Variants in FAF1 observed in about 807,000 individuals in gnomAD.
FAF1 encodes FAS-associated factor 1.
A neutral mutation model predicts 92.5 loss-of-function variants in FAF1; 25 were observed. The ratio of observed to expected loss-of-function variants is 0.27; its 90% confidence interval spans 0.20 to 0.38. The LOEUF (loss-of-function observed/expected upper bound fraction) is 0.38, where lower values mean the gene tolerates loss of function less well. Among genes scored for constraint, FAF1 ranks in the 10% least tolerant of loss-of-function variants. FAF1 has a pLI of 1.00. For missense variants in FAF1, 636 were observed against 793.3 expected, an observed-to-expected ratio of 0.80 and a Z score of 2.38; for synonymous variants, 234 against 273.2, an observed-to-expected ratio of 0.86 and a Z score of 1.42.
intron 15 of FAF1, among the ~76,000 whole-genome samples, chr1:50,502,867 T>G (rs1269599997): frequency 6.6e-6 from 1 of 152,200 alleles, no homozygotes; most frequent in Non-Finnish European, 1.5e-5. Flanking sequence ...TCACTCAGGC[T>G]GCAGTGCAGT....
intron 2 of FAF1, among the ~76,000 whole-genome samples, chr1:50,842,338 A>C (rs568478014): frequency 6.6e-6 from 1 of 152,250 alleles, no homozygotes; most frequent in African/African-American, 2.4e-5. Context: ...TCCTTGAAAC[A>C]ATAATTAGCT....
At chr1:50,885,920 GA>G (rs1644658499) in intron 1 of FAF1, among the ~76,000 whole-genome samples, 1 of 151,936 alleles carries the variant, frequency 6.6e-6, no homozygotes, top group Non-Finnish European at 1.5e-5. Flanking sequence ...ATCTTAAGCG[GA>G]TAACAACTTG....
At chr1:50,650,485 T>G (rs1283981160) in intron 8 of FAF1, among the ~76,000 whole-genome samples, 1 of 151,824 alleles carries the variant, frequency 6.6e-6, no homozygotes, top group Non-Finnish European at 1.5e-5. Context: ...CTGGGCATGG[T>G]GGTATACGCC....
chr1:50,729,051 TATATATA>T lies in FAF1; in HGVS notation c.551+9805_551+9811del, dbSNP rs1223106181. 4.1e-3 allele frequency among the ~76,000 whole-genome samples: 406 copies of T among 97,850 alleles called. 4 individuals carry two copies. The highest frequency in any genetic ancestry group is 0.017 in the African/African-American group (390 of 23,624). The allele number at this position is 97,850 out of a possible 152,430, so 64.2% of individuals were successfully genotyped here. On this transcript the variant is annotated intron_variant, in intron 6 of 18. Transcript: ENST00000396153. ...CTATCTATCTATATATATATATATA[TATATATA>T]TTTTTTTTTTTTTTGAGGCAGAGTT...
intron 8 of FAF1, among the ~76,000 whole-genome samples, chr1:50,643,616 A>G (rs1048303047): frequency 1.3e-5 from 2 of 152,148 alleles, no homozygotes; most frequent in Non-Finnish European, 2.9e-5. Context: ...TATTTGAGAC[A>G]CAGTCTCACT....
rs375286383 is a variant in FAF1 at position 50,794,947 on chromosome 1, G to A, written c.161+6684C>T. 1.9e-4 allele frequency among the ~76,000 whole-genome samples: 29 copies of A among 152,158 alleles called. No individual in the cohort carries two copies. The South Asian group carries it at 4.6e-3, about 24-fold the overall frequency. The stretch of plus-strand genomic sequence containing the variant: ...CCACCGTACCTGGCTAAATATATTT[G>A]TTTCTTAAGTGAATATTCTCTAAAG... On this transcript the variant is annotated intron_variant, in intron 3 of 18. Coordinates refer to ENST00000396153, the MANE Select transcript of FAF1 (RefSeq NM_007051.3).
chr1:50,881,098 T>C (rs1003776196), intron 1 of FAF1, among the ~76,000 whole-genome samples: 2 of 152,230 alleles, frequency 1.3e-5, no homozygotes, highest in Non-Finnish European at 2.9e-5. Context: ...CAGGTGATTC[T>C]AATGAGTGTA....
chr1:50,555,990 A>G (rs1471736337), intron 13 of FAF1, among the ~76,000 whole-genome samples: 2 of 151,742 alleles, frequency 1.3e-5, no homozygotes, highest in Non-Finnish European at 2.9e-5. Context: ...TATGGTGTGT[A>G]TATATATGGT....
intron 1 of FAF1, among the ~76,000 whole-genome samples, chr1:50,922,458 CAAAA>C (rs33971185): frequency 2.7e-5 from 1 of 37,270 alleles, no homozygotes; most frequent in Non-Finnish European, 4.3e-5. Context: ...GACTCTGCCT[CAAAA>C]AAAAAAAAAA....
intron 9 of FAF1, among the ~76,000 whole-genome samples, chr1:50,593,274 T>C (rs536198373): frequency 1.3e-5 from 2 of 152,324 alleles, no homozygotes; most frequent in Admixed American, 6.5e-5. Flanking sequence ...CTCTTCACTA[T>C]ATGGAACTGA....
intron 6 of FAF1, among the ~76,000 whole-genome samples, chr1:50,724,146 C>T (rs111938598): frequency 7.3e-5 from 11 of 150,734 alleles, no homozygotes; most frequent in Non-Finnish European, 1.0e-4. Flanking sequence ...GGCAGGAGGA[C>T]GACTGCTTGA....
chr1:50,641,616 G>A (rs1473925843), intron 8 of FAF1, among the ~76,000 whole-genome samples: 1 of 152,080 alleles, frequency 6.6e-6, no homozygotes. Flanking sequence ...GTCTATTTTT[G>A]TAAATGCATC....
intron 1 of FAF1, among the ~76,000 whole-genome samples, chr1:50,896,283 TA>T (rs1022287318): frequency 2.0e-5 from 3 of 150,588 alleles, no homozygotes; most frequent in Admixed American, 1.3e-4. Context: ...AGACCCTGTC[TA>T]AAAAAAAAGA....
chr1:50,837,804 C>T (rs1259568725), intron 2 of FAF1, among the ~76,000 whole-genome samples: 2 of 150,588 alleles, frequency 1.3e-5, no homozygotes, highest in South Asian at 2.1e-4. Context: ...AGTGCAGTGG[C>T]GTGACCTCAG....
rs189867527 is a variant in FAF1, at chr1:50,450,750, C to T, written c.1870-9227G>A. ...GGGAATTGCTGGGCATATGCTGAGT[C>T]AGGGTATAAAAAAATCTTTGGTAAT... On this transcript the variant is annotated intron_variant, in intron 18 of 18. Transcript: ENST00000396153. 1.8e-4 allele frequency among the ~76,000 whole-genome samples: 28 copies of T among 152,200 alleles called. No individual in the cohort carries two copies. In the South Asian group the frequency reaches 3.3e-3, roughly 18 times the overall value.
chr1:50,888,043 T>C (rs2124696809), intron 1 of FAF1, among the ~76,000 whole-genome samples: 1 of 152,332 alleles, frequency 6.6e-6, no homozygotes, highest in Non-Finnish European at 1.5e-5. Context: ...TTGTATCCTC[T>C]TTTACTTCAT....
At chr1:50,944,147 C>G (rs146825407) in intron 1 of FAF1, among the ~76,000 whole-genome samples, 3 of 152,274 alleles carry the variant, frequency 2.0e-5, no homozygotes, top group African/African-American at 7.2e-5. Flanking sequence ...AGGTGTTTTG[C>G]ATGGAAGGTA....
chr1:50,609,291 C>A (rs1201780729), intron 8 of FAF1, among the ~76,000 whole-genome samples: 1 of 152,204 alleles, frequency 6.6e-6, no homozygotes, highest in Non-Finnish European at 1.5e-5. Context: ...GCTTGCCACA[C>A]CGCCATTTCA....
At position 50,729,058 on chromosome 1, in the gene FAF1, A is replaced by ATATATATTT. The variant is rs1375923156; in HGVS notation, c.551+9804_551+9805insAAATATATA. 2.9e-3 allele frequency among the ~76,000 whole-genome samples: 202 copies of ATATATATTT among 70,058 alleles called. 1 individual carries two copies. Among genetic ancestry groups the ATATATATTT allele is most frequent in the African/African-American group, 6.1e-3 (103 of 16,902 alleles). The allele number at this position is 70,058 out of a possible 152,430, so 46.0% of individuals were successfully genotyped here. A position where few individuals can be genotyped will look rare whatever the true frequency, so the allele number is the denominator to read the frequency against. On this transcript the variant is annotated intron_variant, in intron 6 of 18. Coordinates refer to ENST00000396153, the MANE Select transcript of FAF1 (RefSeq NM_007051.3). ...TCTATATATATATATATATATATAT[A>ATATATATTT]TTTTTTTTTTTTTTGAGGCAGAGTT... is the stretch of plus-strand genomic sequence containing the variant.
Sources: allele counts gnomAD v4.1 joint callset (sites outside exome capture counted in the v4.1 genomes callset), GRCh38; gene constraint gnomAD v4.1.1; transcripts MANE v1.5; gene names NCBI Gene and HGNC (gene_info 2026-07-23, HGNC 2026-07-21).